Variants in ZNF423 observed in about 807,000 individuals in gnomAD.
ZNF423 encodes zinc finger protein 423.
ZNF423 carries 12 observed loss-of-function variants against 95.8 expected under a neutral mutation model. The ratio of observed to expected loss-of-function variants is 0.13; its 90% CI spans 0.08 to 0.20. The LOEUF (loss-of-function observed/expected upper bound fraction) is 0.20. ZNF423 is among the 10% of genes least tolerant of loss of function. ZNF423 has a pLI of 1.00. For missense variants in ZNF423, 1,316 were observed against 1,737.1 expected (o/e 0.76, Z 4.31); for synonymous variants, 749 against 711.9 (o/e 1.05, Z -0.83).
intron 1 of ZNF423, among the ~76,000 whole-genome samples, chr16:49,820,647 G>A (rs759474168): frequency 4.6e-5 from 7 of 152,158 alleles, no homozygotes; most frequent in Middle Eastern, 6.8e-3. Flanking sequence ...CCTTGCATTC[G>A]TGTGTCAGGA....
chr16:49,572,007 T>A (rs903903931), intron 5 of ZNF423, among the ~76,000 whole-genome samples: 1 of 152,206 alleles, frequency 6.6e-6, no homozygotes, highest in African/African-American at 2.4e-5. Flanking sequence ...AAGCACCGTG[T>A]GTACTAAGGG....
Position 49,635,580 on chromosome 16 carries a change from T to C in ZNF423, c.3516+80A>G. 1 of 1,477,692 alleles carries C rather than the reference T, an allele frequency of 6.8e-7. No individual in the cohort carries two copies. The highest frequency in any genetic ancestry group is 9.0e-7 in the Non-Finnish European group (1 of 1,113,250). The allele number at this position is 1,477,692 out of a possible 1,614,324, so 91.5% of individuals were successfully genotyped here. ...GCGCCGCTTCTTGGAAACACGGCAC[T>C]CAGGGTACGTGGCTCCTGTGGGGAC... On this transcript the variant is annotated intron_variant, in intron 4 of 7. Transcript: ENST00000563137. The surrounding 1 kb of genome is among the most constrained non-coding windows in gnomAD (Gnocchi z 4.8).
chr16:49,650,198 G>C (rs934872753), intron 3 of ZNF423, among the ~76,000 whole-genome samples: 2 of 152,174 alleles, frequency 1.3e-5, no homozygotes, highest in Non-Finnish European at 2.9e-5. Context: ...ACTTAGCTTA[G>C]GCTGCTAAGC....
intron 5 of ZNF423, among the ~76,000 whole-genome samples, chr16:49,582,629 C>T (rs1258275077): frequency 1.3e-5 from 2 of 152,114 alleles, no homozygotes. Context: ...TTCTTGGAGG[C>T]ACATAAACAT....
chr16:49,838,979 C>T (rs1020141076), intron 1 of ZNF423, among the ~76,000 whole-genome samples: 7 of 151,964 alleles, frequency 4.6e-5, no homozygotes, highest in South Asian at 2.1e-4. Flanking sequence ...AAGCGTCGGC[C>T]GGGCTCCCCT....
intron 3 of ZNF423, among the ~76,000 whole-genome samples, chr16:49,643,875 G>A (rs564389440): frequency 1.3e-5 from 2 of 152,260 alleles, no homozygotes; most frequent in Admixed American, 6.5e-5. Context: ...ACATTAACTG[G>A]GCTTCAGAAC....
At chr16:49,701,080 A>C (rs1255956836) in intron 3 of ZNF423, among the ~76,000 whole-genome samples, 1 of 152,256 alleles carries the variant, frequency 6.6e-6, no homozygotes, top group East Asian at 1.9e-4. Context: ...TCTTTTCAGC[A>C]AGCTAGTCAG....
At chr16:49,795,452 C>T (rs1279269406) in intron 1 of ZNF423, among the ~76,000 whole-genome samples, 1 of 152,216 alleles carries the variant, frequency 6.6e-6, no homozygotes, top group Non-Finnish European at 1.5e-5. Context: ...GAACAGAAAA[C>T]TCTGGCCACA....
intron 1 of ZNF423, among the ~76,000 whole-genome samples, chr16:49,839,198 G>T (rs1419016420): frequency 6.6e-6 from 1 of 151,156 alleles, no homozygotes; most frequent in South Asian, 2.1e-4. Context: ...AGGCAACTGC[G>T]CAATCGGACT....
At chr16:49,714,440 T>G (rs1001806892) in intron 3 of ZNF423, among the ~76,000 whole-genome samples, 3 of 152,062 alleles carry the variant, frequency 2.0e-5, no homozygotes, top group Middle Eastern at 3.2e-3. Flanking sequence ...GCAGATCACC[T>G]GAGGTCACGA....
chr16:49,632,580 C>T (rs1453957404), intron 4 of ZNF423, among the ~76,000 whole-genome samples: 5 of 152,064 alleles, frequency 3.3e-5, no homozygotes, highest in Admixed American at 1.3e-4. Flanking sequence ...GGCCTGGGGG[C>T]CCCCAGGAAA....
intron 5 of ZNF423, among the ~76,000 whole-genome samples, chr16:49,577,236 T>C (rs1597127430): frequency 1.3e-5 from 2 of 152,164 alleles, no homozygotes; most frequent in African/African-American, 4.8e-5. Context: ...ACCACAGCCA[T>C]AATAATGTCA....
In ZNF423 at chr16:49,523,749, G is replaced by T; in HGVS notation, c.3734-10C>A. 6.2e-7 allele frequency: 1 copy of T among 1,611,006 alleles called. No homozygotes were observed. Among genetic ancestry groups the T allele is most frequent in the South Asian group, 1.1e-5 (1 of 91,052 alleles). ...TTGGCCTGGACGAAGACTAGACACAGACACGGCTGTCAGGGCCAAGCTCAG... is the reference window on the plus strand; with the variant it reads ...TTGGCCTGGACGAAGACTAGACACATACACGGCTGTCAGGGCCAAGCTCAG... On this transcript the variant is annotated splice_polypyrimidine_tract_variant and intron_variant, in intron 6 of 7. Coordinates refer to ENST00000563137, the MANE Select transcript of ZNF423 (RefSeq NM_001379286.1).
intron 2 of ZNF423, among the ~76,000 whole-genome samples, chr16:49,776,156 C>G (rs936974249): frequency 6.6e-5 from 10 of 152,282 alleles, no homozygotes; most frequent in South Asian, 2.1e-4. Flanking sequence ...GAGAGGGCAG[C>G]GGAGACGGAA....
chr16:49,735,642 C>A (rs2033267687), intron 2 of ZNF423, among the ~76,000 whole-genome samples: 1 of 152,166 alleles, frequency 6.6e-6, no homozygotes, highest in South Asian at 2.1e-4. Flanking sequence ...AGGCTTGCAG[C>A]TTCCCCCTGC....
intron 5 of ZNF423, among the ~76,000 whole-genome samples, chr16:49,531,204 C>T (rs995238890): frequency 1.3e-5 from 2 of 151,944 alleles, no homozygotes; most frequent in African/African-American, 4.8e-5. Flanking sequence ...GGCCAAGCTG[C>T]GGCCCCTCCA....
At chr16:49,791,201 T>C (rs535396408) in intron 1 of ZNF423, among the ~76,000 whole-genome samples, 2 of 152,292 alleles carry the variant, frequency 1.3e-5, no homozygotes, top group Admixed American at 1.3e-4. Flanking sequence ...GACAATGAAA[T>C]GCACAGATAA....
At chr16:49,663,441 GC>G (rs965374165) in intron 3 of ZNF423, among the ~76,000 whole-genome samples, 176 of 152,202 alleles carry the variant, frequency 1.2e-3, no homozygotes, top group African/African-American at 4.1e-3. Flanking sequence ...TCATAGTCTG[GC>G]ATTCAGTACT....
chr16:49,656,686 A>G (rs2029891376), intron 3 of ZNF423, among the ~76,000 whole-genome samples: 1 of 152,198 alleles, frequency 6.6e-6, no homozygotes, highest in African/African-American at 2.4e-5. Context: ...ATTCTATATC[A>G]TACATTGCAT....
Sources: allele counts gnomAD v4.1 joint callset (sites outside exome capture counted in the v4.1 genomes callset), GRCh38; gene constraint gnomAD v4.1.1; non-coding constraint Gnocchi (gnomAD v3.1); transcripts MANE v1.5; gene names NCBI Gene and HGNC (gene_info 2026-07-23, HGNC 2026-07-21).